Variants in ATP5F1A observed in about 807,000 individuals in gnomAD.
ATP5F1A encodes the protein ATP synthase F(1) complex subunit alpha, mitochondrial.
ATP5F1A carries 24 observed loss-of-function variants against 57.4 expected under a neutral mutation model. The ratio of observed to expected loss-of-function variants is 0.42; its 90% CI spans 0.30 to 0.59. ATP5F1A has a LOEUF of 0.59. Ranked by LOEUF, ATP5F1A falls within the 20% of genes least tolerant of loss-of-function variation. ATP5F1A has a pLI of 0.19. For missense variants in ATP5F1A, 494 were observed against 707.9 expected, an observed-to-expected ratio of 0.70 and a Z score of 3.43; for synonymous variants, 251 against 255.5, an observed-to-expected ratio of 0.98 and a Z score of 0.17.
At chr18:46,102,924 C>T (rs1156789805), upstream of ATP5F1A, among the ~76,000 whole-genome samples, 9 of 151,880 alleles carry the variant, frequency 5.9e-5, no homozygotes, top group South Asian at 2.1e-4. Flanking sequence ...CCAGCTTGGA[C>T]GAAAGAGCAA....
upstream of ATP5F1A, among the ~76,000 whole-genome samples, chr18:46,102,390 C>T (rs184560721): frequency 6.6e-6 from 1 of 151,958 alleles, no homozygotes; most frequent in Admixed American, 6.6e-5. Flanking sequence ...GTGTCTCAAT[C>T]TCAGCTCACT....
rs370761243 is a variant in ATP5F1A, at chr18:46,097,879, C to CT, written c.60+292dup. 141 of 1,213,940 alleles carry CT rather than the reference C, an allele frequency of 1.2e-4. 1 individual carries two copies. The African/African-American group carries it at 2.1e-3, about 18-fold the overall frequency. The allele number at this position is 1,213,940 out of a possible 1,614,324, so 75.2% of individuals were successfully genotyped here. On this transcript the variant is annotated intron_variant, in intron 1 of 11. Coordinates refer to ENST00000398752, the MANE Select transcript of ATP5F1A (RefSeq NM_004046.6). ...GGAGAGCTAGCGCCCAAGCCCTGACCTTCACCCAAGATCCCCCTTCTAGGG... is the reference window on the plus strand; with the variant it reads ...GGAGAGCTAGCGCCCAAGCCCTGACCTTTCACCCAAGATCCCCCTTCTAGGG...
intron 11 of ATP5F1A, 24 bp from the exon 12 acceptor site, chr18:46,084,387 G>A (rs775097787): frequency 4.0e-5 from 64 of 1,606,472 alleles, no homozygotes; most frequent in Non-Finnish European, 4.9e-5. Flanking sequence ...AAAGCAGGTC[G>A]TAAGTTCTGA....
upstream of ATP5F1A, among the ~76,000 whole-genome samples, chr18:46,101,967 G>T (rs1911287515): frequency 6.6e-6 from 1 of 151,958 alleles, no homozygotes; most frequent in African/African-American, 2.4e-5. Context: ...GAGGTCAGGA[G>T]ATCGAGACCA....
intron 6 of ATP5F1A, 59 bp downstream of exon 6, chr18:46,088,050 T>G (rs1001222815): frequency 1.3e-6 from 2 of 1,557,642 alleles, no homozygotes; most frequent in African/African-American, 2.8e-5. Flanking sequence ...GAAGCTATTC[T>G]ACAATCAGCA....
At chr18:46,096,427 G>A (rs62096500) in intron 1 of ATP5F1A, among the ~76,000 whole-genome samples, 57,327 of 149,152 alleles carry the variant, frequency 0.38, 11,371 homozygotes, top group Middle Eastern at 0.52. Flanking sequence ...TTGAACCTGG[G>A]AGGCAGAGGT....
Position 46,086,112 on chromosome 18 carries a change from C to A in ATP5F1A, c.1429+1G>T. The A allele has an allele frequency of 6.2e-7, 1 of 1,611,764 alleles. No homozygotes were observed. Among genetic ancestry groups the A allele is most frequent in the Non-Finnish European group, 8.5e-7 (1 of 1,179,830 alleles). ...ACCAAATGAAGAAAAGAACAACTTA[C>A]AATACTGTCCTTGCTTCAGCAACTC... On this transcript the variant is annotated splice_donor_variant, in intron 10 of 11. Coordinates refer to ENST00000398752, the MANE Select transcript of ATP5F1A (RefSeq NM_004046.6). LOFTEE classifies it high-confidence loss of function.
intron 5 of ATP5F1A, chr18:46,089,354 C>T: frequency 7.1e-6 from 4 of 566,542 alleles, no homozygotes; most frequent in South Asian, 4.7e-5. Context: ...GAGTCCCATG[C>T]TCTACCGACT....
chr18:46,084,865 A>G, intron 10 of ATP5F1A: 2 of 484,694 alleles, frequency 4.1e-6, no homozygotes, highest in East Asian at 3.5e-5. Flanking sequence ...TCAAGGCTTG[A>G]GGCATAATCT....
At chr18:46,094,246 C>T (rs1910781100) in intron 2 of ATP5F1A, among the ~76,000 whole-genome samples, 1 of 152,062 alleles carries the variant, frequency 6.6e-6, no homozygotes, top group Admixed American at 6.6e-5. Context: ...AGTCCAAATA[C>T]TCATCTCCAA....
intron 3 of ATP5F1A, among the ~76,000 whole-genome samples, chr18:46,090,630 G>A (rs981014400): frequency 4.6e-5 from 7 of 152,122 alleles, no homozygotes; most frequent in African/African-American, 1.4e-4. Flanking sequence ...TGAAAACTCT[G>A]GAGAAGTACT....
intron 6 of ATP5F1A, 35 bp from the exon 7 acceptor site, chr18:46,087,527 G>A: frequency 3.7e-6 from 6 of 1,602,332 alleles, no homozygotes; most frequent in Non-Finnish European, 5.1e-6. Context: ...TATCAATATT[G>A]TGGTTTTAAA....
rs1370726634 is a variant in ATP5F1A at position 46,089,595 on chromosome 18, A to C, written c.621T>G (p.Arg207=). 3 of 1,614,038 alleles carry C rather than the reference A, an allele frequency of 1.9e-6. No homozygotes were observed. Among genetic ancestry groups the C allele is most frequent in the Non-Finnish European group, 2.5e-6 (3 of 1,180,004 alleles). ...DSLVPIGRGQ[R]ELIIGDRQTG... ...TCTGTCGGTCACCAATAATCAGTTC[A>C]CGCTGACCACGACCAATTGGCACCA... is the stretch of plus-strand genomic sequence containing the variant. Residue 207 remains arginine (R), a synonymous_variant, in exon 5 of 12, where the codon CGT becomes CGG. Transcript: ENST00000398752.
At position 46,087,411 on chromosome 18, in the gene ATP5F1A, C is replaced by G; in HGVS notation, c.881G>C (p.Cys294Ser). 5.6e-6 allele frequency: 9 copies of G among 1,614,162 alleles called. No individual in the cohort carries two copies. Among genetic ancestry groups the G allele is most frequent in the African/African-American group, 1.3e-5 (1 of 75,044 alleles). Residue 294 changes from cysteine to serine, a missense_variant, in exon 7 of 12, where the codon TGT becomes TCT. Cys to Ser is a moderately radical substitution (Grantham distance 112). This residue lies in a region of ATP5F1A where 191 missense variants were observed against 267.7 expected (regional missense o/e 0.71). Transcript: ENST00000398752. ...GTCTCTAAAATACTCTCCCATGGAA[C>G]AGCCAGAGTAAGGAGCCAGGTACTG... ...PLQYLAPYSG[C>S]SMGEYFRDNG...
At position 46,097,314 on chromosome 18, in the gene ATP5F1A, A is replaced by C. The variant is rs182968874; in HGVS notation, c.60+858T>G. Among the ~76,000 whole-genome samples the C allele has an allele frequency of 1.0e-3, 157 of 151,698 alleles. 1 individual carries two copies. The highest frequency in any genetic ancestry group is 2.8e-3 in the Admixed American group (43 of 15,202). Reference sequence around the variant, plus strand: ...TTCAAATTGAGATTACTTTTAGAACAAAAAAAAAGTGTCAGTGTCAATGCG... The same window carrying C: ...TTCAAATTGAGATTACTTTTAGAACCAAAAAAAAGTGTCAGTGTCAATGCG... On this transcript the variant is annotated intron_variant, in intron 1 of 11. Coordinates refer to ENST00000398752, the MANE Select transcript of ATP5F1A (RefSeq NM_004046.6).
chr18:46,089,500 C>A, intron 5 of ATP5F1A, 66 bp downstream of exon 5: 1 of 1,576,768 alleles, frequency 6.3e-7, no homozygotes, highest in Non-Finnish European at 8.7e-7. Context: ...CATTCCAAGA[C>A]TAAAATATAA....
At chr18:46,094,161 A>G (rs1910765805) in intron 2 of ATP5F1A, among the ~76,000 whole-genome samples, 1 of 109,144 alleles carries the variant, frequency 9.2e-6, no homozygotes, top group South Asian at 2.9e-4. Flanking sequence ...GTGTGTGTAC[A>G]CATACACACA....
At chr18:46,101,287 G>A (rs59223051), upstream of ATP5F1A, among the ~76,000 whole-genome samples, 1,939 of 151,904 alleles carry the variant, frequency 0.013, 39 homozygotes, top group African/African-American at 0.045. Flanking sequence ...CAACAAGGCC[G>A]GGCATGGTGG....
chr18:46,084,023 C>G lies in ATP5F1A; in HGVS notation c.*259G>C. 1 of 335,212 alleles carries G rather than the reference C, an allele frequency of 3.0e-6. No homozygotes were observed. Among genetic ancestry groups the G allele is most frequent in the Non-Finnish European group, 5.3e-6 (1 of 188,188 alleles). 20.8% of individuals were successfully genotyped at this position (335,212 alleles called of 1,614,324 possible). A position where few individuals can be genotyped will look rare whatever the true frequency, so the allele number is the denominator to read the frequency against. Reference sequence around the variant, plus strand: ...AAAAAAAAACTTACAAAGAGCTCAGCCTTGAATTATCTAGCCCAGTTGACT... The same window carrying G: ...AAAAAAAAACTTACAAAGAGCTCAGGCTTGAATTATCTAGCCCAGTTGACT... On this transcript the variant is annotated 3_prime_UTR_variant, in exon 12 of 12. Coordinates refer to ENST00000398752, the MANE Select transcript of ATP5F1A (RefSeq NM_004046.6).
Sources: gnomAD v4.1 joint callset for allele counts (sites outside exome capture counted in the v4.1 genomes callset) on GRCh38, gnomAD v4.1.1 for gene constraint, gnomAD v4.1.1 regional missense constraint, MANE v1.5 for transcripts, NCBI Gene and HGNC (gene_info 2026-07-23, HGNC 2026-07-21) for gene names.